ZNF433: variants seen among roughly 807,000 people sequenced by gnomAD.
The protein encoded by ZNF433 is zinc finger protein 433.
Under a neutral mutation model 10.6 loss-of-function variants are expected in ZNF433, and 12 were observed. The ratio of observed to expected loss-of-function variants is 1.13; its 90% CI spans 0.72 to 1.83. ZNF433 has a LOEUF of 1.83. ZNF433 is among the 40% of genes most tolerant of loss of function. The probability of loss-of-function intolerance (pLI) is 0.00; values close to 1 mark genes in which losing one functional copy is unlikely to be tolerated. For missense variants in ZNF433, 737 were observed against 798.0 expected, an observed-to-expected ratio of 0.92 and a Z score of 0.92; for synonymous variants, 272 against 271.3, an observed-to-expected ratio of 1.00 and a Z score of -0.02.
At chr19:12,030,137 T>C (rs1262448094) in intron 1 of ZNF433, 1 of 427,914 alleles carries the variant, frequency 2.3e-6, no homozygotes, top group Non-Finnish European at 4.6e-6. Context: ...AGCAGGCTCT[T>C]ACCAGGCACC....
intron 1 of ZNF433, chr19:12,034,933 G>A (rs1975209206): frequency 4.4e-6 from 2 of 453,760 alleles, no homozygotes; most frequent in Non-Finnish European, 8.8e-6. Context: ...AGGCCTCCTG[G>A]GGTTGTGTTT....
At chr19:12,027,007 G>A (rs919221987) in intron 1 of ZNF433, 2 of 451,574 alleles carry the variant, frequency 4.4e-6, no homozygotes, top group African/African-American at 4.0e-5. Flanking sequence ...CTCTTAATAA[G>A]ATCAAAATTT....
intron 1 of ZNF433, chr19:12,034,788 C>G (rs980354149): frequency 4.4e-6 from 2 of 453,738 alleles, no homozygotes; most frequent in African/African-American, 2.0e-5. Context: ...CTTCTAACCC[C>G]CCTTCCACAG....
intron 3 of ZNF433, 72 bp from the exon 4 acceptor site, chr19:12,016,738 A>C: frequency 1.3e-6 from 2 of 1,526,614 alleles, no homozygotes; most frequent in Non-Finnish European, 1.8e-6. Flanking sequence ...CAAGTATTGC[A>C]CTTGCATTTT....
chr19:12,016,055 G>T lies in ZNF433; in HGVS notation c.803C>A (p.Ala268Asp). ...CTCCCCAGTGTGAGTTCTTTTATGA[G>T]CATGAAGGCATGTGGAACTATGGAA... ...KAFHSSTCLH[A>D]HKRTHTGEKP... The change falls in exon 4 of 4, where the codon GCT becomes GAT. Residue 268 changes from alanine (A) to aspartate (D), a missense_variant. Ala to Asp is a moderately radical substitution (Grantham distance 126). Coordinates refer to ENST00000550507, the MANE Select transcript of ZNF433 (RefSeq NM_001308348.2). 2 of 1,613,406 alleles carry T rather than the reference G, an allele frequency of 1.2e-6. No homozygotes were observed. Among genetic ancestry groups the T allele is most frequent in the Non-Finnish European group, 1.7e-6 (2 of 1,179,842 alleles).
At chr19:12,018,835 CAT>C (rs1271695979) in intron 1 of ZNF433, among the ~76,000 whole-genome samples, 3 of 151,822 alleles carry the variant, frequency 2.0e-5, no homozygotes, top group African/African-American at 7.3e-5. Flanking sequence ...GCTCTACACT[CAT>C]GAGCTCATGC....
chr19:12,019,419 A>G (rs1441176843), intron 1 of ZNF433, among the ~76,000 whole-genome samples: 1 of 152,146 alleles, frequency 6.6e-6, no homozygotes, highest in East Asian at 1.9e-4. Context: ...CTCCATCACA[A>G]AAAAACCACT....
At chr19:12,035,341 G>T (rs1025788292) in intron 1 of ZNF433, among the ~76,000 whole-genome samples, 196 bp downstream of exon 1, 7 of 152,186 alleles carry the variant, frequency 4.6e-5, no homozygotes, top group Admixed American at 2.0e-4. Context: ...GCAGGGACAG[G>T]ACGAGACGCC....
At chr19:12,031,696 C>T (rs1975036303) in intron 1 of ZNF433, among the ~76,000 whole-genome samples, 2 of 151,792 alleles carry the variant, frequency 1.3e-5, no homozygotes, top group African/African-American at 2.4e-5. Flanking sequence ...AAATAAGACA[C>T]GAAATCTTGG....
At chr19:12,032,100 G>A (rs1012047833) in intron 1 of ZNF433, among the ~76,000 whole-genome samples, 1 of 151,602 alleles carries the variant, frequency 6.6e-6, no homozygotes, top group African/African-American at 2.4e-5. Flanking sequence ...CACCATGCCC[G>A]GCTTTTTTTT....
chr19:12,015,353 G>GT lies in ZNF433; in HGVS notation c.1504dup (p.Thr502AsnfsTer3). On this transcript the variant is annotated frameshift_variant, in exon 4 of 4. Coordinates refer to ENST00000550507, the MANE Select transcript of ZNF433 (RefSeq NM_001308348.2). LOFTEE classifies it low-confidence loss of function (END_TRUNC). ...TCTGCCACACTGCTTGCATTCATAG[G>GT]TTTTTCCTCCAGTGTGAGTCCTTTC... 1 of 1,614,116 alleles carries GT rather than the reference G, an allele frequency of 6.2e-7. No homozygotes were observed. Among genetic ancestry groups the GT allele is most frequent in the Non-Finnish European group, 8.5e-7 (1 of 1,180,030 alleles).
intron 1 of ZNF433, among the ~76,000 whole-genome samples, chr19:12,032,599 T>G (rs1975089377): frequency 6.6e-6 from 1 of 151,854 alleles, no homozygotes. Flanking sequence ...TTCTCGTGCC[T>G]CAGTCTCCCT....
rs1431376625 is a variant in ZNF433 at position 12,031,974 on chromosome 19, C to T, written c.3+3563G>A. On this transcript the variant is annotated intron_variant, in intron 1 of 3. Coordinates refer to ENST00000550507, the MANE Select transcript of ZNF433 (RefSeq NM_001308348.2). ...TTTTTTTTTTGAGATGGAGTTTCAC[C>T]GTTGCCCAGTCTGGAGTGCAGTGGC... Among the ~76,000 whole-genome samples, 6 of 148,420 alleles carry T rather than the reference C, an allele frequency of 4.0e-5. No homozygotes were observed. The East Asian group carries it at 7.8e-4, about 19-fold the overall frequency.
chr19:12,033,549 G>A lies in ZNF433; in HGVS notation c.3+1988C>T, dbSNP rs531271924. On this transcript the variant is annotated intron_variant, in intron 1 of 3. Coordinates refer to ENST00000550507, the MANE Select transcript of ZNF433 (RefSeq NM_001308348.2). Reference sequence around the variant, plus strand: ...AACAAAAACAAAAAACGGGCCAGGCGCAGTGACTCACACCTGTAATCCCAG... The same window carrying A: ...AACAAAAACAAAAAACGGGCCAGGCACAGTGACTCACACCTGTAATCCCAG... Among the ~76,000 whole-genome samples the A allele has an allele frequency of 3.0e-4, 45 of 150,320 alleles. 1 individual carries two copies. The highest frequency in any genetic ancestry group is 9.0e-4 in the African/African-American group (37 of 40,912).
Position 12,019,223 on chromosome 19 carries a change from C to A in ZNF433, c.4-931G>T, listed in dbSNP as rs200922932. On this transcript the variant is annotated intron_variant, in intron 1 of 3. Transcript: ENST00000550507. ...ATCACCTGAGGCCAGGAGTTGGTGACCAGCCTGGCCAACATGGTGAAACAC... is the reference window on the plus strand; with the variant it reads ...ATCACCTGAGGCCAGGAGTTGGTGAACAGCCTGGCCAACATGGTGAAACAC... Among the ~76,000 whole-genome samples the A allele has an allele frequency of 9.2e-5, 14 of 152,084 alleles. No individual in the cohort carries two copies. The East Asian group carries it at 2.1e-3, about 23-fold the overall frequency.
intron 1 of ZNF433, among the ~76,000 whole-genome samples, chr19:12,028,416 G>A (rs1974841264): frequency 6.6e-6 from 1 of 152,088 alleles, no homozygotes; most frequent in South Asian, 2.1e-4. Flanking sequence ...TATACTGATA[G>A]GGATGCATAC....
At chr19:12,028,778 AGCCTT>A (rs1334747524) in intron 1 of ZNF433, among the ~76,000 whole-genome samples, 1 of 152,194 alleles carries the variant, frequency 6.6e-6, no homozygotes, top group African/African-American at 2.4e-5. Flanking sequence ...AGCTCACTGT[AGCCTT>A]GACTTCCCAG....
chr19:12,024,037 C>T (rs1599364588), intron 1 of ZNF433: 1 of 152,018 alleles, frequency 6.6e-6, no homozygotes, highest in South Asian at 2.1e-4. Flanking sequence ...AACAGATAAG[C>T]CAATTTGGAT....
rs114870407 is a variant in ZNF433 at position 12,022,108 on chromosome 19, C to T, written c.4-3816G>A. 4.8e-3 allele frequency: 2,080 copies of T among 433,880 alleles called. 31 individuals are homozygous for T. The highest frequency in any genetic ancestry group is 0.037 in the African/African-American group (1,861 of 49,766). 26.9% of individuals were successfully genotyped at this position (433,880 alleles called of 1,614,324 possible). On this transcript the variant is annotated intron_variant, in intron 1 of 3. Coordinates refer to ENST00000550507, the MANE Select transcript of ZNF433 (RefSeq NM_001308348.2). ...ACATGTTCGTGATGGCCATGACACC[C>T]ACAATGAAGACTGTTGGTTTACCGG... is the stretch of plus-strand genomic sequence containing the variant.
Sources: gnomAD v4.1 joint callset for allele counts (sites outside exome capture counted in the v4.1 genomes callset) on GRCh38, gnomAD v4.1.1 for gene constraint, MANE v1.5 for transcripts, NCBI Gene and HGNC (gene_info 2026-07-23, HGNC 2026-07-21) for gene names.